The following DISP1 variants were observed in gnomAD, a reference collection of about 807,000 sequenced individuals.
DISP1 encodes the protein dispatched RND transporter family member 1.
In DISP1, 30 loss-of-function variants were observed where a neutral mutation model predicts 37.3. That is an observed-to-expected ratio of 0.80 (90% CI 0.60 to 1.09). The LOEUF is 1.09. DISP1 is among the 50% of genes least tolerant of loss of function. The probability of loss-of-function intolerance (pLI) is 0.00; values close to 1 mark genes in which losing one functional copy is unlikely to be tolerated. For synonymous variants in DISP1, 634 were observed against 690.2 expected (o/e 0.92, Z 1.28); for missense variants, 1,598 against 1,879.5 (o/e 0.85, Z 2.77).
rs752773807 is a variant in DISP1 at position 223,003,429 on chromosome 1, T to G, written c.2032T>G (p.Tyr678Asp). ...CTTCAAAAAGCCCCAGCAGCAAATA[T>G]ATGATAACAAAAGCTGCTGGACAGT... ...TCFKKPQQQI[Y>D]DNKSCWTVAC... The change falls in exon 9 of 9, where the codon TAT becomes GAT. Residue 678 changes from tyrosine to aspartate, a missense_variant. Transcript: ENST00000675850. The surrounding 1 kb of genome is among the most constrained non-coding windows in gnomAD (Gnocchi z 4.3). The G allele has an allele frequency of 3.0e-5, 48 of 1,614,052 alleles. No individual in the cohort carries two copies. The highest frequency in any genetic ancestry group is 3.7e-5 in the Non-Finnish European group (44 of 1,180,040).
At chr1:222,987,157 A>G (rs539150197) in intron 4 of DISP1, among the ~76,000 whole-genome samples, 20 of 152,030 alleles carry the variant, frequency 1.3e-4, no homozygotes, top group African/African-American at 4.3e-4. Flanking sequence ...TTAGACTTTT[A>G]TCTTCATATT....
intron 2 of DISP1, among the ~76,000 whole-genome samples, chr1:222,932,341 A>G (rs1673452121): frequency 6.6e-6 from 1 of 151,936 alleles, no homozygotes; most frequent in Non-Finnish European, 1.5e-5. Context: ...TAGTATTACC[A>G]AAGTGATTCT....
chr1:222,919,226 G>A (rs989889224), intron 1 of DISP1, among the ~76,000 whole-genome samples: 1 of 152,208 alleles, frequency 6.6e-6, no homozygotes, highest in African/African-American at 2.4e-5. Context: ...GATCAACTTA[G>A]TATACCACTG....
Position 222,904,389 on chromosome 1 carries a change from T to C in DISP1, c.-158-24041T>C, listed in dbSNP as rs571978112. Among the ~76,000 whole-genome samples, 171 of 152,220 alleles carry C rather than the reference T, an allele frequency of 1.1e-3. 1 individual carries two copies. Among genetic ancestry groups the C allele is most frequent in the Non-Finnish European group, 6.6e-4 (45 of 68,010 alleles). On this transcript the variant is annotated intron_variant, in intron 1 of 8. Coordinates refer to ENST00000675850, the MANE Select transcript of DISP1 (RefSeq NM_001377229.1). ...TGAGCTATACCAAAGATATTATTTA[T>C]ATAGAAACATATTTATAGATGTTTT...
Position 223,002,731 on chromosome 1 carries a change from C to A in DISP1, c.1334C>A (p.Ala445Asp). 1.2e-6 allele frequency: 2 copies of A among 1,614,082 alleles called. No individual in the cohort carries two copies. Among genetic ancestry groups the A allele is most frequent in the Non-Finnish European group, 1.7e-6 (2 of 1,180,032 alleles). ...DFMTPKTADY[A>D]TPALKYSMLF... The stretch of plus-strand genomic sequence containing the variant: ...ATGACCCCAAAGACGGCTGACTATG[C>A]CACGCCAGCTTTAAAATACAGCATG... Residue 445 changes from alanine (A) to aspartate (D), a missense_variant, in exon 9 of 9, where the codon GCC becomes GAC. Physicochemically the swap from Ala to Asp is moderately radical, Grantham distance 126. Coordinates refer to ENST00000675850, the MANE Select transcript of DISP1 (RefSeq NM_001377229.1).
At chr1:222,975,600 C>T (rs539213199) in intron 3 of DISP1, among the ~76,000 whole-genome samples, 62 of 152,190 alleles carry the variant, frequency 4.1e-4, no homozygotes, top group African/African-American at 1.3e-3. Context: ...TGCCTCTGTA[C>T]CCCTATTATC....
chr1:222,974,528 C>A (rs1271479657), intron 3 of DISP1, among the ~76,000 whole-genome samples: 1 of 152,150 alleles, frequency 6.6e-6, no homozygotes, highest in Admixed American at 6.5e-5. Flanking sequence ...CATTCCCAGC[C>A]TTTCTCTCAT....
At chr1:222,973,875 C>G (rs1236225985) in intron 3 of DISP1, among the ~76,000 whole-genome samples, 1 of 152,188 alleles carries the variant, frequency 6.6e-6, no homozygotes, top group Non-Finnish European at 1.5e-5. Context: ...GATTCTAGAC[C>G]TGGCTCTGCC....
At chr1:222,918,727 C>T (rs1346289138) in intron 1 of DISP1, among the ~76,000 whole-genome samples, 6 of 152,172 alleles carry the variant, frequency 3.9e-5, no homozygotes, top group Non-Finnish European at 7.3e-5. Flanking sequence ...TGCTATTGCA[C>T]GAGAAGAATA....
At chr1:222,914,564 A>C (rs1181140866) in intron 1 of DISP1, among the ~76,000 whole-genome samples, 1 of 152,130 alleles carries the variant, frequency 6.6e-6, no homozygotes, top group Non-Finnish European at 1.5e-5. Context: ...TACTATTATG[A>C]ATATGAGACC....
intron 1 of DISP1, among the ~76,000 whole-genome samples, chr1:222,865,396 C>G (rs1669126055): frequency 6.6e-6 from 1 of 152,056 alleles, no homozygotes; most frequent in Non-Finnish European, 1.5e-5. Flanking sequence ...ACATCTTTAG[C>G]CCTGTATAGA....
rs538009423 is a variant in DISP1 at position 222,937,128 on chromosome 1, C to T, written c.-17-5679C>T. Among the ~76,000 whole-genome samples, 11 of 143,928 alleles carry T rather than the reference C, an allele frequency of 7.6e-5. 1 individual carries two copies. The highest frequency in any genetic ancestry group is 1.5e-4 in the African/African-American group (6 of 38,710). 94.4% of individuals were successfully genotyped at this position (143,928 alleles called of 152,430 possible). ...ATTTTGAGACGGAGTCTTGCTCTGT[C>T]GCCCAGGCTGGAGTGCAGTGGCGTG... On this transcript the variant is annotated intron_variant, in intron 2 of 8. Coordinates refer to ENST00000675850, the MANE Select transcript of DISP1 (RefSeq NM_001377229.1).
At position 222,990,552 on chromosome 1, in the gene DISP1, G is replaced by A; in HGVS notation, c.540-73G>A. 14 of 1,611,044 alleles carry A rather than the reference G, an allele frequency of 8.7e-6. No homozygotes were observed. The South Asian group carries it at 1.5e-4, about 18-fold the overall frequency. On this transcript the variant is annotated intron_variant, in intron 4 of 8. Transcript: ENST00000675850. Reference sequence around the variant, plus strand: ...GGTACCAAAAATATTTCTGCGAAGGGCCTTCTTTGTGCCTTCTTTGTGTTT... The same window carrying A: ...GGTACCAAAAATATTTCTGCGAAGGACCTTCTTTGTGCCTTCTTTGTGTTT...
intron 1 of DISP1, among the ~76,000 whole-genome samples, chr1:222,843,068 A>G (rs2125293867): frequency 6.6e-6 from 1 of 152,176 alleles, no homozygotes; most frequent in African/African-American, 2.4e-5. Context: ...CCTTGCTTTT[A>G]TAGACACATT....
intron 1 of DISP1, among the ~76,000 whole-genome samples, chr1:222,889,833 A>G (rs1670843514): frequency 6.6e-6 from 1 of 152,176 alleles, no homozygotes; most frequent in South Asian, 2.1e-4. Flanking sequence ...AACCTTAACC[A>G]AGGAAGTAGT....
At chr1:222,910,484 A>G (rs1672151688) in intron 1 of DISP1, among the ~76,000 whole-genome samples, 2 of 152,196 alleles carry the variant, frequency 1.3e-5, no homozygotes, top group Non-Finnish European at 2.9e-5. Context: ...TAAATGGTGC[A>G]CTCAGTAGGA....
rs2125493047 is a variant in DISP1, at chr1:222,942,853, T to A, written c.30T>A (p.Phe10Leu). Residue 10 changes from phenylalanine (F) to leucine (L), a missense_variant, in exon 3 of 9, where the codon TTT becomes TTA. Transcript: ENST00000675850. MAMSNGNND[F>L]VVLSNSSIAT... ...CTATGAGCAATGGAAACAATGATTT[T>A]GTGGTTCTGAGCAACAGCAGCATCG... 1.2e-6 allele frequency: 2 copies of A among 1,614,202 alleles called. No individual in the cohort carries two copies. Among genetic ancestry groups the A allele is most frequent in the South Asian group, 2.2e-5 (2 of 91,084 alleles).
At chr1:222,882,747 A>G (rs1670348100) in intron 1 of DISP1, among the ~76,000 whole-genome samples, 5 of 152,160 alleles carry the variant, frequency 3.3e-5, no homozygotes, top group Admixed American at 1.3e-4. Context: ...AGTTATATAA[A>G]TTCTTTATCT....
chr1:222,990,589 C>G (rs1285683681), intron 4 of DISP1, 36 bp from the exon 5 acceptor site: 22 of 1,613,210 alleles, frequency 1.4e-5, no homozygotes, highest in Non-Finnish European at 1.8e-5. Flanking sequence ...TGTAGTTATG[C>G]AGCTCTGATA....
Sources: allele counts gnomAD v4.1 joint callset (sites outside exome capture counted in the v4.1 genomes callset), GRCh38; gene constraint gnomAD v4.1.1; non-coding constraint Gnocchi (gnomAD v3.1); transcripts MANE v1.5; gene names NCBI Gene and HGNC (gene_info 2026-07-23, HGNC 2026-07-21).